Variants in SLC23A2 observed in about 807,000 individuals in gnomAD.
SLC23A2 encodes Na(+)/L-ascorbic acid transporter 2.
SLC23A2 carries 36 observed loss-of-function variants against 73.3 expected under a neutral mutation model. The ratio of observed to expected loss-of-function variants is 0.49; its 90% CI spans 0.38 to 0.65. The LOEUF is 0.65. Among genes scored for constraint, SLC23A2 ranks in the 30% least tolerant of loss-of-function variants. The pLI, the probability that SLC23A2 is intolerant of heterozygous loss-of-function variation, is 0.00. For missense variants in SLC23A2, 507 were observed against 841.6 expected, an observed-to-expected ratio of 0.60 and a Z score of 4.92; for synonymous variants, 343 against 327.3, an observed-to-expected ratio of 1.05 and a Z score of -0.52.
chr20:4,894,690 C>T (rs141836626), intron 6 of SLC23A2, among the ~76,000 whole-genome samples: 2 of 152,284 alleles, frequency 1.3e-5, no homozygotes, highest in African/African-American at 4.8e-5. Flanking sequence ...AAAGTATTTA[C>T]CCCAAGTTCC....
chr20:4,916,190 T>C (rs1045902496), intron 3 of SLC23A2, among the ~76,000 whole-genome samples: 1 of 152,182 alleles, frequency 6.6e-6, no homozygotes, highest in Non-Finnish European at 1.5e-5. Context: ...GTCCACGAGA[T>C]GAAACTCTTA....
In SLC23A2 at chr20:4,932,474, G is replaced by A; in HGVS notation, c.89C>T (p.Pro30Leu). The change falls in exon 3 of 17, where the codon CCA becomes CTA. Residue 30 changes from proline to leucine, a missense_variant. Coordinates refer to ENST00000338244, the MANE Select transcript of SLC23A2 (RefSeq NM_005116.6). Reference sequence around the variant, plus strand: ...GATTACCGGAAGAGTGAAGAAAGCTGGGTGCTTTGCCTCGTCTTCGTATTT... The same window carrying A: ...GATTACCGGAAGAGTGAAGAAAGCTAGGTGCTTTGCCTCGTCTTCGTATTT... The part of the protein sequence containing the change: ...EGKYEDEAKH[P>L]AFFTLPVVIN... The A allele has an allele frequency of 5.7e-6, 9 of 1,590,130 alleles. No individual in the cohort carries two copies. The highest frequency in any genetic ancestry group is 7.8e-6 in the Non-Finnish European group (9 of 1,157,966).
intron 6 of SLC23A2, among the ~76,000 whole-genome samples, chr20:4,887,266 G>A (rs7273438): frequency 0.076 from 11,501 of 152,232 alleles, 1,019 homozygotes; most frequent in African/African-American, 0.22. Context: ...ACGTCAAAGG[G>A]AAAACACTGT....
intron 2 of SLC23A2, among the ~76,000 whole-genome samples, chr20:4,960,616 C>T (rs2087366770): frequency 6.6e-6 from 1 of 152,234 alleles, no homozygotes; most frequent in African/African-American, 2.4e-5. Flanking sequence ...CGCACACACA[C>T]AAGATCTACT....
intron 2 of SLC23A2, among the ~76,000 whole-genome samples, chr20:4,951,069 A>G (rs2087194899): frequency 6.6e-6 from 1 of 152,230 alleles, no homozygotes; most frequent in Non-Finnish European, 1.5e-5. Context: ...CATCAGGTCA[A>G]CACGCCTAGG....
Position 4,925,313 on chromosome 20 carries a change from G to T in SLC23A2, c.108+7142C>A, listed in dbSNP as rs76268119. Among the ~76,000 whole-genome samples the T allele has an allele frequency of 2.6e-3, 399 of 152,208 alleles. 2 individuals are homozygous for T. Among genetic ancestry groups the T allele is most frequent in the Non-Finnish European group, 4.7e-3 (318 of 68,000 alleles). The stretch of plus-strand genomic sequence containing the variant: ...GGACAAATTAATGAATGGCTTGCAG[G>T]TCCTGTATGATCACTGTCTGACCTC... On this transcript the variant is annotated intron_variant, in intron 3 of 16. Transcript: ENST00000338244.
rs6053027 is a variant in SLC23A2 at position 4,998,718 on chromosome 20, C to T, written c.-282+2688G>A. On this transcript the variant is annotated intron_variant, in intron 1 of 16. Coordinates refer to ENST00000338244, the MANE Select transcript of SLC23A2 (RefSeq NM_005116.6). This position sits in a 1 kb window ranked among gnomAD's most constrained non-coding sequence, Gnocchi z 4.1. ...TGTAAGATGTTTAAATTTAAAAAGC[C>T]TAAGAGGATTAAATATAAATACGTT... Among the ~76,000 whole-genome samples the T allele has an allele frequency of 1.3e-5, 2 of 151,962 alleles. No homozygotes were observed. Among genetic ancestry groups the T allele is most frequent in the East Asian group, 3.9e-4 (2 of 5,184 alleles).
intron 4 of SLC23A2, among the ~76,000 whole-genome samples, chr20:4,906,398 G>A (rs1324276840): frequency 6.6e-6 from 1 of 152,012 alleles, no homozygotes; most frequent in African/African-American, 2.4e-5. Context: ...GGCCAAGGCA[G>A]GCCAATCACT....
intron 13 of SLC23A2, among the ~76,000 whole-genome samples, chr20:4,867,222 C>T (rs1930238647): frequency 6.6e-6 from 1 of 152,150 alleles, no homozygotes; most frequent in South Asian, 2.1e-4. Flanking sequence ...GCACTGGCCT[C>T]CTTGCTGACC....
At chr20:4,977,150 T>C (rs2087654688) in intron 1 of SLC23A2, among the ~76,000 whole-genome samples, 1 of 152,156 alleles carries the variant, frequency 6.6e-6, no homozygotes, top group South Asian at 2.1e-4. Context: ...AGGGCCACTC[T>C]GCAGTATACT....
chr20:4,941,509 C>A (rs552510524), intron 2 of SLC23A2, among the ~76,000 whole-genome samples: 2 of 152,118 alleles, frequency 1.3e-5, no homozygotes, highest in South Asian at 4.2e-4. Context: ...TCGAAACCAG[C>A]CTGGCCAACA....
At chr20:4,995,485 G>A (rs868500642) in intron 1 of SLC23A2, among the ~76,000 whole-genome samples, 54 of 151,992 alleles carry the variant, frequency 3.6e-4, no homozygotes, top group African/African-American at 1.3e-3. Flanking sequence ...CTCTCCACCT[G>A]ACCCCCATCA....
upstream of SLC23A2, among the ~76,000 whole-genome samples, chr20:5,002,342 A>G (rs2088140192): frequency 6.6e-6 from 1 of 152,230 alleles, no homozygotes; most frequent in Non-Finnish European, 1.5e-5. Flanking sequence ...TGCTGATGCT[A>G]CTGGTCTGGG....
intron 2 of SLC23A2, among the ~76,000 whole-genome samples, chr20:4,949,505 T>A (rs939202960): frequency 1.3e-5 from 2 of 152,138 alleles, no homozygotes; most frequent in Non-Finnish European, 2.9e-5. Flanking sequence ...GGCGGTGCCT[T>A]CTAAGAAGTG....
rs1434554510 is a variant in SLC23A2 at position 4,872,876 on chromosome 20, T to A, written c.1102+1060A>T. Among the ~76,000 whole-genome samples the A allele has an allele frequency of 6.6e-6, 1 of 152,058 alleles. No individual in the cohort carries two copies. Among genetic ancestry groups the A allele is most frequent in the Non-Finnish European group, 1.5e-5 (1 of 68,016 alleles). ...TCCAAGCGATTCTCCTGCCTCAGCC[T>A]CCCGAGTAGCTGGAATTACAGACAC... is the stretch of plus-strand genomic sequence containing the variant. On this transcript the variant is annotated intron_variant, in intron 11 of 16. Coordinates refer to ENST00000338244, the MANE Select transcript of SLC23A2 (RefSeq NM_005116.6). The surrounding 1 kb of genome is among the most constrained non-coding windows in gnomAD (Gnocchi z 4.4).
At chr20:5,003,252 CG>C (rs1478880336), upstream of SLC23A2, among the ~76,000 whole-genome samples, 7 of 152,010 alleles carry the variant, frequency 4.6e-5, no homozygotes, top group African/African-American at 1.7e-4. Context: ...GGCGTGGTGG[CG>C]GGCGCCTGTA....
chr20:4,862,362 C>G lies in SLC23A2; in HGVS notation c.1487-277G>C, dbSNP rs532554952. Among the ~76,000 whole-genome samples the G allele has an allele frequency of 6.6e-6, 1 of 152,324 alleles. No homozygotes were observed. Among genetic ancestry groups the G allele is most frequent in the African/African-American group, 2.4e-5 (1 of 41,572 alleles). On this transcript the variant is annotated intron_variant, in intron 14 of 16. Coordinates refer to ENST00000338244, the MANE Select transcript of SLC23A2 (RefSeq NM_005116.6). This position sits in a 1 kb window ranked among gnomAD's most constrained non-coding sequence, Gnocchi z 5.1. The stretch of plus-strand genomic sequence containing the variant: ...ATAGAAAACTAAGGACATTGGTTCT[C>G]TCTCTACACAAACATTTTGATTAAA...
chr20:4,980,046 C>G (rs2087702680), intron 1 of SLC23A2, among the ~76,000 whole-genome samples: 1 of 152,072 alleles, frequency 6.6e-6, no homozygotes, highest in Non-Finnish European at 1.5e-5. Flanking sequence ...AGTACTCAAA[C>G]TCACTAGGTA....
At chr20:4,900,312 A>G (rs1033192655) in intron 5 of SLC23A2, among the ~76,000 whole-genome samples, 1 of 152,254 alleles carries the variant, frequency 6.6e-6, no homozygotes, top group Non-Finnish European at 1.5e-5. Context: ...CTTATTAGAA[A>G]TATTTGGGTT....
Sources: gnomAD v4.1 joint callset for allele counts (sites outside exome capture counted in the v4.1 genomes callset) on GRCh38, gnomAD v4.1.1 for gene constraint, Gnocchi (gnomAD v3.1) non-coding constraint, MANE v1.5 for transcripts, NCBI Gene and HGNC (gene_info 2026-07-23, HGNC 2026-07-21) for gene names.